Variants in STK10 observed in about 807,000 individuals in gnomAD.
The protein encoded by STK10 is serine/threonine-protein kinase 10.
STK10 carries 78 observed loss-of-function variants against 113.8 expected under a neutral mutation model. The observed-to-expected ratio is 0.69, with a 90% confidence interval of 0.57 to 0.83. The LOEUF is 0.83. STK10 is among the 40% of genes least tolerant of loss of function. STK10 has a pLI of 0.00. For missense variants in STK10, 1,109 were observed against 1,280.1 expected (o/e 0.87, Z 2.04); for synonymous variants, 465 against 494.7 (o/e 0.94, Z 0.80).
chr5:172,090,551 T>C (rs1024152337), intron 9 of STK10, among the ~76,000 whole-genome samples, 189 bp from the exon 10 acceptor site: 1 of 152,158 alleles, frequency 6.6e-6, no homozygotes, highest in Non-Finnish European at 1.5e-5. Context: ...ATTCCCTTGC[T>C]CTTCCCTGAT....
chr5:172,188,204 G>A lies in STK10; in HGVS notation c.-162C>T. On this transcript the variant is annotated 5_prime_UTR_variant, in exon 1 of 19. Transcript: ENST00000176763. The surrounding 1 kb of genome is among the most constrained non-coding windows in gnomAD (Gnocchi z 5.6). ...GCCCGACCTCGGTCAAGTGTGCCCTGGGCAGCGCCGCGCCGGGAGCACCCG... is the reference window on the plus strand; with the variant it reads ...GCCCGACCTCGGTCAAGTGTGCCCTAGGCAGCGCCGCGCCGGGAGCACCCG... 8.1e-7 allele frequency: 1 copy of A among 1,238,926 alleles called. No homozygotes were observed. 76.7% of individuals were successfully genotyped at this position (1,238,926 alleles called of 1,614,324 possible).
intron 12 of STK10, among the ~76,000 whole-genome samples, chr5:172,079,509 G>A (rs1356831207): frequency 1.3e-5 from 2 of 151,964 alleles, no homozygotes; most frequent in Admixed American, 1.3e-4. Flanking sequence ...GGCTTCTCTG[G>A]AAATTAACAG....
chr5:172,132,607 G>A (rs1769778478), intron 2 of STK10, among the ~76,000 whole-genome samples: 1 of 152,120 alleles, frequency 6.6e-6, no homozygotes, highest in South Asian at 2.1e-4. Flanking sequence ...CCCTGAACCT[G>A]TCAAGGGCAT....
At chr5:172,095,554 A>AG (rs1768829769) in intron 8 of STK10, among the ~76,000 whole-genome samples, 1 of 152,210 alleles carries the variant, frequency 6.6e-6, no homozygotes, top group African/African-American at 2.4e-5. Flanking sequence ...AGAGCTGTAG[A>AG]GGGCCCGGCA....
At chr5:172,117,780 C>T (rs1042191815) in intron 3 of STK10, 150 bp from the exon 4 acceptor site, 3 of 1,099,884 alleles carry the variant, frequency 2.7e-6, no homozygotes, top group African/African-American at 1.6e-5. Flanking sequence ...TTTGAGAGGC[C>T]GAGGCAGGTG....
intron 3 of STK10, among the ~76,000 whole-genome samples, chr5:172,127,061 A>G (rs951748473): frequency 6.6e-6 from 1 of 152,074 alleles, no homozygotes; most frequent in African/African-American, 2.4e-5. Context: ...CAGGCTACTC[A>G]GGAGGCTGAG....
chr5:172,174,391 C>T (rs1020425432), intron 1 of STK10, among the ~76,000 whole-genome samples: 1 of 151,978 alleles, frequency 6.6e-6, no homozygotes, highest in Non-Finnish European at 1.5e-5. Flanking sequence ...AGGCTGGTCT[C>T]GAACTCTTGA....
At chr5:172,109,942 C>A (rs942018897) in intron 4 of STK10, among the ~76,000 whole-genome samples, 4 of 152,230 alleles carry the variant, frequency 2.6e-5, no homozygotes, top group African/African-American at 9.6e-5. Context: ...GAGCTGTATC[C>A]AGGAGCTCCT....
intron 4 of STK10, among the ~76,000 whole-genome samples, chr5:172,115,864 G>A (rs1474445063): frequency 6.6e-6 from 1 of 152,194 alleles, no homozygotes; most frequent in Non-Finnish European, 1.5e-5. Context: ...GCTGGTAGCA[G>A]GAAATAGCAA....
At chr5:172,055,536 G>A (rs2113691862) in intron 16 of STK10, 52 bp downstream of exon 16, 1 of 1,354,998 alleles carries the variant, frequency 7.4e-7, no homozygotes. Flanking sequence ...CGCCAAACCT[G>A]GCCCTGCCTA....
intron 18 of STK10, among the ~76,000 whole-genome samples, chr5:172,046,758 T>C (rs1767503629): frequency 6.6e-6 from 1 of 152,234 alleles, no homozygotes; most frequent in Admixed American, 6.5e-5. Context: ...GCCACTGTAG[T>C]ACAAAATCAG....
chr5:172,064,657 C>A, intron 13 of STK10, 63 bp downstream of exon 13: 1 of 1,550,920 alleles, frequency 6.4e-7, no homozygotes, highest in Non-Finnish European at 8.9e-7. Context: ...AGAGAGGGGG[C>A]CTGGTCACCA....
At chr5:172,102,939 C>T (rs1004482599) in intron 7 of STK10, among the ~76,000 whole-genome samples, 3 of 151,792 alleles carry the variant, frequency 2.0e-5, no homozygotes, top group Admixed American at 6.6e-5. Context: ...GGGGGCGGGG[C>T]ATGGCATGTC....
At chr5:172,046,543 A>T (rs1055374325) in intron 18 of STK10, among the ~76,000 whole-genome samples, 2 of 152,182 alleles carry the variant, frequency 1.3e-5, no homozygotes, top group African/African-American at 4.8e-5. Context: ...TTTCACAACT[A>T]GTAATGGAGG....
intron 4 of STK10, among the ~76,000 whole-genome samples, chr5:172,116,278 C>T (rs1769381880): frequency 6.6e-6 from 1 of 151,902 alleles, no homozygotes; most frequent in Admixed American, 6.6e-5. Context: ...ATTGGGGTTT[C>T]GCCATGTTGG....
At chr5:172,173,863 G>A (rs868271026) in intron 1 of STK10, among the ~76,000 whole-genome samples, 17 of 152,210 alleles carry the variant, frequency 1.1e-4, no homozygotes, top group African/African-American at 4.1e-4. Context: ...GACAGTGAGG[G>A]CTGGCCACAA....
At chr5:172,157,471 G>A (rs1363982803) in intron 1 of STK10, among the ~76,000 whole-genome samples, 2 of 152,120 alleles carry the variant, frequency 1.3e-5, no homozygotes, top group Non-Finnish European at 2.9e-5. Flanking sequence ...CAGGAGAATC[G>A]CTTGAACCCG....
intron 13 of STK10, 37 bp downstream of exon 13, chr5:172,064,683 C>A (rs59167910): frequency 6.8e-6 from 11 of 1,608,720 alleles, no homozygotes; most frequent in Non-Finnish European, 9.4e-6. Context: ...GGTCTCGCAC[C>A]AGCCCCTGCG....
At chr5:172,058,332 CT>C (rs965557486) in intron 14 of STK10, among the ~76,000 whole-genome samples, 25 of 152,292 alleles carry the variant, frequency 1.6e-4, no homozygotes, top group Middle Eastern at 3.4e-3. Flanking sequence ...GAAGTGAGGG[CT>C]TTTCTCAAAA....
Sources: gnomAD v4.1 joint callset for allele counts (sites outside exome capture counted in the v4.1 genomes callset) on GRCh38, gnomAD v4.1.1 for gene constraint, Gnocchi (gnomAD v3.1) non-coding constraint, MANE v1.5 for transcripts, NCBI Gene and HGNC (gene_info 2026-07-23, HGNC 2026-07-21) for gene names.